Variants in CELSR1 observed in about 807,000 individuals in gnomAD.
The protein encoded by CELSR1 is cadherin EGF LAG seven-pass G-type receptor 1.
CELSR1 carries 110 observed loss-of-function variants against 249.1 expected under a neutral mutation model. The observed-to-expected ratio is 0.44, with a 90% confidence interval of 0.38 to 0.52. The LOEUF (loss-of-function observed/expected upper bound fraction) is 0.52. CELSR1 is among the 20% of genes least tolerant of loss of function. The probability of loss-of-function intolerance (pLI) is 0.00; values close to 1 mark genes in which losing one functional copy is unlikely to be tolerated. For missense variants in CELSR1, 4,109 were observed against 4,296.4 expected, an observed-to-expected ratio of 0.96 and a Z score of 1.22; for synonymous variants, 2,113 against 1,900.0, an observed-to-expected ratio of 1.11 and a Z score of -2.92.
chr22:46,378,887 G>A (rs1039490174), intron 22 of CELSR1, among the ~76,000 whole-genome samples, 170 bp from the exon 23 acceptor site: 10 of 152,090 alleles, frequency 6.6e-5, no homozygotes, highest in African/African-American at 1.2e-4. Context: ...GCTCCCCACC[G>A]TGTTCCTCAC....
At position 46,393,152 on chromosome 22, in the gene CELSR1, C is replaced by T. The variant is rs995121119; in HGVS notation, c.5964+990G>A. On this transcript the variant is annotated intron_variant, in intron 14 of 34. Coordinates refer to ENST00000674500, the MANE Select transcript of CELSR1 (RefSeq NM_001378328.1). This position sits in a 1 kb window ranked among gnomAD's most constrained non-coding sequence, Gnocchi z 4.1. ...GCATCTGCAGGAAGCTCACGTCCCT[C>T]GCCCAGGCTCCTGTTACCCTCAGAC... 1.3e-5 allele frequency among the ~76,000 whole-genome samples: 2 copies of T among 152,170 alleles called. No homozygotes were observed. The highest frequency in any genetic ancestry group is 2.4e-5 in the African/African-American group (1 of 41,434).
Position 46,410,589 on chromosome 22 carries a change from C to T in CELSR1, c.4770-28G>A, listed in dbSNP as rs146443863. On this transcript the variant is annotated intron_variant, in intron 6 of 34. Transcript: ENST00000674500. The surrounding 1 kb of genome is among the most constrained non-coding windows in gnomAD (Gnocchi z 6.8). ...GGGTAGGTAAAGCCATCTTCTGTGA[C>T]GTCAGGGCGGGGAGAGGCGGCCACG... 24 of 1,606,100 alleles carry T rather than the reference C, an allele frequency of 1.5e-5. No individual in the cohort carries two copies. The highest frequency in any genetic ancestry group is 3.3e-5 in the Admixed American group (2 of 59,890).
chr22:46,459,982 G>A (rs866116470), intron 2 of CELSR1, among the ~76,000 whole-genome samples: 2 of 152,176 alleles, frequency 1.3e-5, no homozygotes, highest in Non-Finnish European at 2.9e-5. Context: ...CAAGGCAGGC[G>A]AATCACCTGA....
In CELSR1 at chr22:46,440,041, C is replaced by T. The variant is rs1037520557; in HGVS notation, c.4184-630G>A. ...CTGTGAGCTCCTGAAGGGCAGGCAC[C>T]ACCCTACTCTGATGTCCTTCCTAGA... On this transcript the variant is annotated intron_variant, in intron 2 of 34. Transcript: ENST00000674500. The surrounding 1 kb of genome is among the most constrained non-coding windows in gnomAD (Gnocchi z 4.7). Among the ~76,000 whole-genome samples the T allele has an allele frequency of 1.3e-5, 2 of 152,168 alleles. No individual in the cohort carries two copies. Among genetic ancestry groups the T allele is most frequent in the African/African-American group, 2.4e-5 (1 of 41,426 alleles).
rs555649860 is a variant in CELSR1, at chr22:46,401,414, A to G, written c.5227-1512T>C. On this transcript the variant is annotated intron_variant, in intron 9 of 34. Transcript: ENST00000674500. The surrounding 1 kb of genome is among the most constrained non-coding windows in gnomAD (Gnocchi z 4.7). ...GAAGACACTGAAGTGGCTCCAGGCA[A>G]AACAGAGTTTCAGGCTCACAACCAA... is the stretch of plus-strand genomic sequence containing the variant. 1.2e-4 allele frequency among the ~76,000 whole-genome samples: 18 copies of G among 152,314 alleles called. No individual in the cohort carries two copies. The highest frequency in any genetic ancestry group is 4.3e-4 in the African/African-American group (18 of 41,570).
In CELSR1 at chr22:46,410,293, A is replaced by C; in HGVS notation, c.4933+105T>G. 2 of 1,436,776 alleles carry C rather than the reference A, an allele frequency of 1.4e-6. No homozygotes were observed. Among genetic ancestry groups the C allele is most frequent in the East Asian group, 2.3e-5 (1 of 43,508 alleles). The allele number at this position is 1,436,776 out of a possible 1,614,324, so 89.0% of individuals were successfully genotyped here. On this transcript the variant is annotated intron_variant, in intron 7 of 34. Transcript: ENST00000674500. The surrounding 1 kb of genome is among the most constrained non-coding windows in gnomAD (Gnocchi z 6.8). The stretch of plus-strand genomic sequence containing the variant: ...CCGCTGGACACATACATTTCTAAGA[A>C]AAACACGGCTCCCCAGGGATCTGCA...
rs113669934 is a variant in CELSR1, at chr22:46,393,804, T to G, written c.5964+338A>C. Among the ~76,000 whole-genome samples, 6,982 of 148,406 alleles carry G rather than the reference T, an allele frequency of 0.047. 205 individuals are homozygous for G. The highest frequency in any genetic ancestry group is 0.069 in the Non-Finnish European group (4,657 of 67,454). On this transcript the variant is annotated intron_variant, in intron 14 of 34. Transcript: ENST00000674500. The surrounding 1 kb of genome is among the most constrained non-coding windows in gnomAD (Gnocchi z 4.1). ...GGCCAGGAGGGCCGGGGTGGTGCCA[T>G]AGATGAGCCAGCCCTCAGAAACGGG... is the stretch of plus-strand genomic sequence containing the variant.
chr22:46,422,780 A>AAAAAAAAAAAAAG (rs1337523194), intron 5 of CELSR1, among the ~76,000 whole-genome samples: 20 of 148,666 alleles, frequency 1.3e-4, no homozygotes, highest in African/African-American at 3.8e-4. Flanking sequence ...AAAAAAAAAA[A>AAAAAAAAAAAAAG]TGGCTCATAG....
chr22:46,536,161 G>C lies in CELSR1; in HGVS notation c.1010C>G (p.Thr337Ser). 1 of 1,612,950 alleles carries C rather than the reference G, an allele frequency of 6.2e-7. No homozygotes were observed. The change falls in exon 1 of 35, where the codon ACC becomes AGC. Residue 337 changes from threonine (T) to serine (S), a missense_variant. Coordinates refer to ENST00000674500, the MANE Select transcript of CELSR1 (RefSeq NM_001378328.1). ...GTCTTTGACCAAGACAGTGATGTAG[G>C]TGGTGGCCGAGCGCGGCGGCGTACT... is the stretch of plus-strand genomic sequence containing the variant. ...DYSTPPRSAT[T>S]YITVLVKDTN...
In CELSR1 at chr22:46,413,185, C is replaced by G. The variant is rs1037979867; in HGVS notation, c.4612-1426G>C. Reference sequence around the variant, plus strand: ...GTGCCTTTTAATAGGAAAATAACAACCACATAGTTCATTCAAAAATAAATC... The same window carrying G: ...GTGCCTTTTAATAGGAAAATAACAAGCACATAGTTCATTCAAAAATAAATC... On this transcript the variant is annotated intron_variant, in intron 5 of 34. Coordinates refer to ENST00000674500, the MANE Select transcript of CELSR1 (RefSeq NM_001378328.1). This position sits in a 1 kb window ranked among gnomAD's most constrained non-coding sequence, Gnocchi z 4.7. 6.6e-6 allele frequency among the ~76,000 whole-genome samples: 1 copy of G among 152,200 alleles called. No individual in the cohort carries two copies. The highest frequency in any genetic ancestry group is 1.5e-5 in the Non-Finnish European group (1 of 68,038).
rs2079090219 is a variant in CELSR1, at chr22:46,391,450, G to A, written c.6149-163C>T. 6.6e-6 allele frequency among the ~76,000 whole-genome samples: 1 copy of A among 151,876 alleles called. No homozygotes were observed. The highest frequency in any genetic ancestry group is 6.6e-5 in the Admixed American group (1 of 15,252). ...CCCATCCATGTCAGAGCTGGAGAGG[G>A]GTGACCAGGCTCTGACCCACACCCC... On this transcript the variant is annotated intron_variant, in intron 15 of 34. Transcript: ENST00000674500. This position sits in a 1 kb window ranked among gnomAD's most constrained non-coding sequence, Gnocchi z 4.3.
Position 46,490,254 on chromosome 22 carries a change from C to T in CELSR1, c.3545-25909G>A, listed in dbSNP as rs2080354891. On this transcript the variant is annotated intron_variant, in intron 1 of 34. Coordinates refer to ENST00000674500, the MANE Select transcript of CELSR1 (RefSeq NM_001378328.1). The surrounding 1 kb of genome is among the most constrained non-coding windows in gnomAD (Gnocchi z 5.2). The stretch of plus-strand genomic sequence containing the variant: ...AGACAGGAGCCAAAAGAGGGATTCC[C>T]CAGGGTCACCTGGAGAGGTTTTATT... 6.6e-6 allele frequency among the ~76,000 whole-genome samples: 1 copy of T among 152,116 alleles called. No individual in the cohort carries two copies. Among genetic ancestry groups the T allele is most frequent in the African/African-American group, 2.4e-5 (1 of 41,418 alleles).
rs183573463 is a variant in CELSR1 at position 46,488,495 on chromosome 22, G to A, written c.3545-24150C>T. 2.0e-5 allele frequency among the ~76,000 whole-genome samples: 3 copies of A among 152,286 alleles called. No homozygotes were observed. In the East Asian group the frequency reaches 5.8e-4, roughly 29 times the overall value. ...CAGTGGGACGGTTCGGCAGGAACAC[G>A]GCTTGAACCCACACCAAGGCTGGAC... On this transcript the variant is annotated intron_variant, in intron 1 of 34. Coordinates refer to ENST00000674500, the MANE Select transcript of CELSR1 (RefSeq NM_001378328.1). The surrounding 1 kb of genome is among the most constrained non-coding windows in gnomAD (Gnocchi z 4.7).
In CELSR1 at chr22:46,406,301, T is replaced by C. The variant is rs1039845105; in HGVS notation, c.5226+2695A>G. Among the ~76,000 whole-genome samples the C allele has an allele frequency of 2.6e-5, 4 of 152,206 alleles. No homozygotes were observed. The highest frequency in any genetic ancestry group is 3.9e-4 in the East Asian group (2 of 5,188). On this transcript the variant is annotated intron_variant, in intron 9 of 34. Coordinates refer to ENST00000674500, the MANE Select transcript of CELSR1 (RefSeq NM_001378328.1). The surrounding 1 kb of genome is among the most constrained non-coding windows in gnomAD (Gnocchi z 5.4). ...CTTCTGGGGCTGCCTGGGAGACTCA[T>C]GAAATTACAGGTTAACAAGGGCCCA...
intron 1 of CELSR1, chr22:46,481,886 C>T (rs1001174002): frequency 9.4e-5 from 17 of 180,934 alleles, no homozygotes; most frequent in African/African-American, 3.6e-4. Context: ...GATTCTCCTG[C>T]CTCAGCCTCC....
In CELSR1 at chr22:46,363,329, G is replaced by GTGATCCTGCCCCCCCGT; in HGVS notation, c.9036-83_9036-82insACGGGGGGGCAGGATCA. 8.1e-7 allele frequency: 1 copy of GTGATCCTGCCCCCCCGT among 1,231,942 alleles called. No homozygotes were observed. The highest frequency in any genetic ancestry group is 1.2e-6 in the Non-Finnish European group (1 of 857,260). The allele number at this position is 1,231,942 out of a possible 1,614,324, so 76.3% of individuals were successfully genotyped here. A position where few individuals can be genotyped will look rare whatever the true frequency, so the allele number is the denominator to read the frequency against. ...GTGGGGCCCAAGGTTGTCACACGGG[G>GTGATCCTGCCCCCCCGT]GGGCAGGATCACCCCATCAGGGTAG... On this transcript the variant is annotated intron_variant, in intron 34 of 34. Transcript: ENST00000674500. The surrounding 1 kb of genome is among the most constrained non-coding windows in gnomAD (Gnocchi z 4.3).
intron 2 of CELSR1, among the ~76,000 whole-genome samples, chr22:46,459,250 G>A (rs997415109): frequency 6.6e-6 from 1 of 152,118 alleles, no homozygotes; most frequent in Non-Finnish European, 1.5e-5. Flanking sequence ...CAGACACCAA[G>A]AGCAGCACCA....
chr22:46,459,030 C>T (rs937417470), intron 2 of CELSR1, among the ~76,000 whole-genome samples: 13 of 151,852 alleles, frequency 8.6e-5, no homozygotes, highest in Admixed American at 3.3e-4. Context: ...GTAGCTGGGA[C>T]TACAGGCGTG....
Position 46,472,744 on chromosome 22 carries a change from T to C in CELSR1, c.3545-8399A>G, listed in dbSNP as rs963376602. Among the ~76,000 whole-genome samples, 2 of 152,182 alleles carry C rather than the reference T, an allele frequency of 1.3e-5. No individual in the cohort carries two copies. The highest frequency in any genetic ancestry group is 4.8e-5 in the African/African-American group (2 of 41,454). On this transcript the variant is annotated intron_variant, in intron 1 of 34. Transcript: ENST00000674500. This position sits in a 1 kb window ranked among gnomAD's most constrained non-coding sequence, Gnocchi z 7.0. The stretch of plus-strand genomic sequence containing the variant: ...AGGTGTTGGCGGGGTTTGTTCCTCC[T>C]GGAGGCTCAGGGGAGGGTCTGTTCC...
Sources: allele counts gnomAD v4.1 joint callset (sites outside exome capture counted in the v4.1 genomes callset), GRCh38; gene constraint gnomAD v4.1.1; non-coding constraint Gnocchi (gnomAD v3.1); transcripts MANE v1.5; gene names NCBI Gene and HGNC (gene_info 2026-07-23, HGNC 2026-07-21).